The following ST6GALNAC5 variants were observed in gnomAD, a reference collection of about 807,000 sequenced individuals.
ST6GALNAC5 encodes ST6 N-acetylgalactosaminide alpha-2,6-sialyltransferase 5.
Under a neutral mutation model 33.6 loss-of-function variants are expected in ST6GALNAC5, and 27 were observed. The ratio of observed to expected loss-of-function variants is 0.80; its 90% CI spans 0.59 to 1.11. ST6GALNAC5 has a LOEUF of 1.11. Among genes scored for constraint, ST6GALNAC5 ranks in the 50% least tolerant of loss-of-function variants. The pLI is 0.00. For synonymous variants in ST6GALNAC5, 194 were observed against 171.2 expected (o/e 1.13, Z -1.04); for missense variants, 428 against 454.0 (o/e 0.94, Z 0.52).
chr1:76,895,411 G>T (rs1654107998), intron 2 of ST6GALNAC5, among the ~76,000 whole-genome samples: 2 of 152,236 alleles, frequency 1.3e-5, no homozygotes, highest in East Asian at 1.9e-4. Flanking sequence ...TTGTGGTAAG[G>T]GGTGATATTG....
chr1:76,933,466 TGTTTAA>T, intron 2 of ST6GALNAC5, among the ~76,000 whole-genome samples: 1 of 152,076 alleles, frequency 6.6e-6, no homozygotes, highest in Admixed American at 6.6e-5. Context: ...CATTGAATCA[TGTTTAA>T]GTATGAACAA....
At chr1:76,870,961 C>T (rs1444148774) in intron 2 of ST6GALNAC5, among the ~76,000 whole-genome samples, 2 of 152,202 alleles carry the variant, frequency 1.3e-5, no homozygotes, top group Non-Finnish European at 2.9e-5. Flanking sequence ...CTCAGAATGC[C>T]TTAACTGATT....
intron 2 of ST6GALNAC5, among the ~76,000 whole-genome samples, chr1:76,967,320 T>C (rs900761138): frequency 2.6e-5 from 4 of 152,334 alleles, no homozygotes; most frequent in Non-Finnish European, 5.9e-5. Flanking sequence ...CCTGGTTTAG[T>C]CTTGGGAGGG....
intron 2 of ST6GALNAC5, among the ~76,000 whole-genome samples, chr1:76,981,677 GCCT>G (rs1649257523): frequency 6.6e-6 from 1 of 152,164 alleles, no homozygotes; most frequent in South Asian, 2.1e-4. Flanking sequence ...TGGACAGACT[GCCT>G]CCTCAAGTGG....
At chr1:76,905,137 T>C (rs181129234) in intron 2 of ST6GALNAC5, among the ~76,000 whole-genome samples, 1 of 152,334 alleles carries the variant, frequency 6.6e-6, no homozygotes, top group African/African-American at 2.4e-5. Flanking sequence ...AGAAACTAAA[T>C]ACCCTTGTTG....
intron 2 of ST6GALNAC5, among the ~76,000 whole-genome samples, chr1:76,966,651 A>G (rs1006423872): frequency 2.0e-5 from 3 of 152,170 alleles, no homozygotes; most frequent in Non-Finnish European, 4.4e-5. Context: ...AGGAGTGGTG[A>G]GAGAGGGCAT....
chr1:76,949,153 G>A (rs1372471177), intron 2 of ST6GALNAC5, among the ~76,000 whole-genome samples: 5 of 152,148 alleles, frequency 3.3e-5, no homozygotes. Context: ...TGAGGTACCA[G>A]TTGTGTACTG....
chr1:76,958,417 C>T (rs1648091842), intron 2 of ST6GALNAC5, among the ~76,000 whole-genome samples: 2 of 152,082 alleles, frequency 1.3e-5, no homozygotes, highest in Admixed American at 1.3e-4. Flanking sequence ...AATGTTTTGA[C>T]TCTCATTTTC....
Position 76,868,628 on chromosome 1 carries a change from G to A in ST6GALNAC5, c.147G>A (p.Gln49=), listed in dbSNP as rs935108102. Residue 49 remains glutamine, a synonymous_variant, in exon 2 of 5, where the codon CAG becomes CAA. Coordinates refer to ENST00000477717, the MANE Select transcript of ST6GALNAC5 (RefSeq NM_030965.3). The surrounding 1 kb of genome is among the most constrained non-coding windows in gnomAD (Gnocchi z 4.3). ...QQQQQQQQQQ[Q]ASATGSSQPA... is the part of the protein sequence containing the mutation. ...AGCAGCAGCAGCAACAGCAGCAGCA[G>A]GCGTCGGCCACCGGCAGCTCGCAGC... 1.2e-5 allele frequency: 20 copies of A among 1,610,090 alleles called. No homozygotes were observed. The Admixed American group carries it at 2.3e-4, about 19-fold the overall frequency.
At chr1:77,044,130 GAAGTAGC>G in intron 2 of ST6GALNAC5, 67 bp from the exon 3 acceptor site, 1 of 1,481,442 alleles carries the variant, frequency 6.8e-7, no homozygotes, top group Non-Finnish European at 9.0e-7. Flanking sequence ...CAAAGGCAGG[GAAGTAGC>G]CTGCTGGTGC....
chr1:76,996,136 C>G lies in ST6GALNAC5; in HGVS notation c.262-48068C>G, dbSNP rs146850352. ...GAAACTGAGACTTGGAGAGGCTAACCAACTTGTGCAAAGTTGCACAGCTAA... is the reference window on the plus strand; with the variant it reads ...GAAACTGAGACTTGGAGAGGCTAACGAACTTGTGCAAAGTTGCACAGCTAA... On this transcript the variant is annotated intron_variant, in intron 2 of 4. Coordinates refer to ENST00000477717, the MANE Select transcript of ST6GALNAC5 (RefSeq NM_030965.3). Among the ~76,000 whole-genome samples the G allele has an allele frequency of 1.3e-4, 20 of 152,276 alleles. 1 individual carries two copies. The highest frequency in any genetic ancestry group is 4.8e-4 in the African/African-American group (20 of 41,556).
intron 2 of ST6GALNAC5, among the ~76,000 whole-genome samples, chr1:77,012,373 G>C (rs1033281169): frequency 6.6e-6 from 1 of 152,310 alleles, no homozygotes; most frequent in South Asian, 2.1e-4. Context: ...GGAATTCCAG[G>C]TTACTCCTTG....
chr1:76,966,632 A>C (rs1043316620), intron 2 of ST6GALNAC5, among the ~76,000 whole-genome samples: 1 of 152,148 alleles, frequency 6.6e-6, no homozygotes, highest in African/African-American at 2.4e-5. Context: ...TTCCAACACT[A>C]TGTTGAATAG....
intron 2 of ST6GALNAC5, among the ~76,000 whole-genome samples, chr1:76,908,227 C>G (rs1646882068): frequency 1.3e-5 from 2 of 152,042 alleles, no homozygotes; most frequent in Non-Finnish European, 2.9e-5. Flanking sequence ...AAATGTATGT[C>G]TCACAGTTCT....
intron 2 of ST6GALNAC5, among the ~76,000 whole-genome samples, chr1:76,953,106 T>C (rs932950554): frequency 3.3e-5 from 5 of 152,158 alleles, no homozygotes; most frequent in Non-Finnish European, 7.4e-5. Flanking sequence ...TGTGGGTTGT[T>C]TCCAGTTCTT....
chr1:77,004,986 C>T (rs1013428677), intron 2 of ST6GALNAC5, among the ~76,000 whole-genome samples: 1 of 150,376 alleles, frequency 6.6e-6, no homozygotes, highest in African/African-American at 2.4e-5. Context: ...CCTACAGACG[C>T]AGGCAGGCCT....
chr1:77,039,347 C>T (rs1252208577), intron 2 of ST6GALNAC5, among the ~76,000 whole-genome samples: 2 of 152,234 alleles, frequency 1.3e-5, no homozygotes, highest in African/African-American at 4.8e-5. Flanking sequence ...CCCAGCCAGC[C>T]ATTAATTCCA....
At chr1:77,038,393 T>C (rs141152273) in intron 2 of ST6GALNAC5, among the ~76,000 whole-genome samples, 46 of 152,230 alleles carry the variant, frequency 3.0e-4, no homozygotes, top group African/African-American at 1.1e-3. Flanking sequence ...AAACATCAGA[T>C]TGGAAAGTAC....
chr1:76,967,304 C>T (rs1285243245), intron 2 of ST6GALNAC5, among the ~76,000 whole-genome samples: 3 of 152,154 alleles, frequency 2.0e-5, no homozygotes, highest in African/African-American at 4.8e-5. Context: ...AGAGATTCAA[C>T]TTCTTCCTGG....
Sources: allele counts gnomAD v4.1 joint callset (sites outside exome capture counted in the v4.1 genomes callset), GRCh38; gene constraint gnomAD v4.1.1; non-coding constraint Gnocchi (gnomAD v3.1); transcripts MANE v1.5; gene names NCBI Gene and HGNC (gene_info 2026-07-23, HGNC 2026-07-21).